GLDC: variants seen among roughly 807,000 people sequenced by gnomAD.
GLDC encodes glycine decarboxylase, also known as glycine dehydrogenase (decarboxylating), mitochondrial.
Under a neutral mutation model 121.3 loss-of-function variants are expected in GLDC, and 104 were observed. The ratio of observed to expected loss-of-function variants is 0.86; its 90% CI spans 0.73 to 1.01. The LOEUF (loss-of-function observed/expected upper bound fraction) is 1.01, where lower values mean the gene tolerates loss of function less well. GLDC is among the 50% of genes least tolerant of loss of function. GLDC has a pLI of 0.00. For synonymous variants in GLDC, 546 were observed against 480.6 expected (o/e 1.14, Z -1.78); for missense variants, 1,429 against 1,306.6 (o/e 1.09, Z -1.44).
At chr9:6,539,719 T>C (rs963500369) in intron 22 of GLDC, among the ~76,000 whole-genome samples, 1 of 152,160 alleles carries the variant, frequency 6.6e-6, no homozygotes, top group Admixed American at 6.5e-5. Flanking sequence ...AAAACTCCAA[T>C]GCCATTTGTC....
chr9:6,643,749 C>T (rs1050070378), intron 2 of GLDC, among the ~76,000 whole-genome samples: 73 of 151,854 alleles, frequency 4.8e-4, no homozygotes, highest in African/African-American at 1.7e-4. Flanking sequence ...AAAAACCATT[C>T]GGGGTAGGGC....
chr9:6,563,171 G>A (rs1212253367), intron 16 of GLDC, among the ~76,000 whole-genome samples: 1 of 152,238 alleles, frequency 6.6e-6, no homozygotes, highest in Non-Finnish European at 1.5e-5. Flanking sequence ...ACCCCGCCCA[G>A]GCCAAACCCA....
At chr9:6,632,530 A>T (rs1253577213) in intron 2 of GLDC, among the ~76,000 whole-genome samples, 2 of 152,238 alleles carry the variant, frequency 1.3e-5, no homozygotes, top group Non-Finnish European at 2.9e-5. Context: ...TCAAAATGAG[A>T]TCAAAGTTAT....
At chr9:6,587,104 T>A (rs1178969839) in intron 15 of GLDC, 37 bp downstream of exon 15, 4 of 1,576,334 alleles carry the variant, frequency 2.5e-6, no homozygotes, top group Middle Eastern at 4.4e-4. Context: ...TATACAAGAA[T>A]AGATTGCTGA....
intron 3 of GLDC, among the ~76,000 whole-genome samples, chr9:6,619,418 C>A (rs887645023): frequency 6.6e-6 from 1 of 152,020 alleles, no homozygotes; most frequent in African/African-American, 2.4e-5. Flanking sequence ...ACACAATTAT[C>A]TGTCCCCCTT....
Position 6,534,802 on chromosome 9 carries a change from AC to A in GLDC, c.2839-15del. On this transcript the variant is annotated splice_polypyrimidine_tract_variant and intron_variant, in intron 23 of 24. Transcript: ENST00000321612. ...GTGTGGAGACATCTGAGACAGAGAC[AC>A]GGACAGAGGAGGGGTCAGAGCAATA... The A allele has an allele frequency of 6.7e-7, 1 of 1,495,282 alleles. No homozygotes were observed. The allele number at this position is 1,495,282 out of a possible 1,614,324, so 92.6% of individuals were successfully genotyped here.
intron 16 of GLDC, among the ~76,000 whole-genome samples, chr9:6,560,466 C>T (rs79760729): frequency 0.018 from 2,725 of 152,272 alleles, 69 homozygotes; most frequent in African/African-American, 0.062. Flanking sequence ...TCCTCAAATC[C>T]GTTTTCTTGT....
At chr9:6,630,632 G>C (rs374673427) in intron 2 of GLDC, among the ~76,000 whole-genome samples, 2 of 152,310 alleles carry the variant, frequency 1.3e-5, no homozygotes, top group African/African-American at 4.8e-5. Context: ...TGAGGACAGA[G>C]ACTGCCTGGG....
rs1273751465 is a variant in GLDC at position 6,604,784 on chromosome 9, T to A, written c.862A>T (p.Ser288Cys). 2 of 1,613,248 alleles carry A rather than the reference T, an allele frequency of 1.2e-6. No homozygotes were observed. The highest frequency in any genetic ancestry group is 3.3e-5 in the Admixed American group (2 of 60,024). The change falls in exon 7 of 25, where the codon AGC becomes TGC. Residue 288 changes from serine (S) to cysteine (C), a missense_variant and splice_region_variant. Coordinates refer to ENST00000321612, the MANE Select transcript of GLDC (RefSeq NM_000170.3). ...AGGTCAGTAGCACAGCAGGCCAGGC[T>A]CTAGAAAGGAAGTGAGAGAAAAGGA... The part of the protein sequence containing the change: ...ELVERAHQSG[S>C]LACCATDLLA...
chr9:6,538,450 T>TAAA (rs1817183375), intron 22 of GLDC, among the ~76,000 whole-genome samples: 1 of 152,356 alleles, frequency 6.6e-6, no homozygotes, highest in Admixed American at 6.5e-5. Context: ...CTCTCTTCCT[T>TAAA]AAAAATTCAC....
chr9:6,610,406 G>C, intron 3 of GLDC, 50 bp from the exon 4 acceptor site: 3 of 1,585,352 alleles, frequency 1.9e-6, no homozygotes, highest in Non-Finnish European at 2.6e-6. Context: ...GTTTAGAGAA[G>C]CACACAAAAT....
intron 2 of GLDC, among the ~76,000 whole-genome samples, chr9:6,624,717 T>C (rs1229304023): frequency 6.6e-6 from 1 of 152,194 alleles, no homozygotes; most frequent in Admixed American, 6.6e-5. Context: ...TGGGGCACGG[T>C]GGCTTACACC....
intron 15 of GLDC, among the ~76,000 whole-genome samples, chr9:6,584,755 C>G (rs756530417): frequency 7.2e-5 from 11 of 152,224 alleles, no homozygotes; most frequent in Admixed American, 1.3e-4. Context: ...TGCAAAGCCC[C>G]TGCCATGCTC....
chr9:6,625,957 C>T (rs926356454), intron 2 of GLDC, among the ~76,000 whole-genome samples: 1 of 152,066 alleles, frequency 6.6e-6, no homozygotes, highest in Non-Finnish European at 1.5e-5. Flanking sequence ...GAGCTCGGGG[C>T]TAGAAGCTGA....
At chr9:6,562,154 T>G (rs1817771101) in intron 16 of GLDC, among the ~76,000 whole-genome samples, 1 of 152,224 alleles carries the variant, frequency 6.6e-6, no homozygotes, top group Non-Finnish European at 1.5e-5. Context: ...ATATTAATTA[T>G]AAAGTGTTAA....
intron 11 of GLDC, among the ~76,000 whole-genome samples, chr9:6,590,301 T>C (rs1320590235): frequency 6.6e-6 from 1 of 151,974 alleles, no homozygotes; most frequent in African/African-American, 2.4e-5. Flanking sequence ...ATCCAGAATA[T>C]ATAATCAATA....
intron 17 of GLDC, chr9:6,558,153 A>G: frequency 3.2e-6 from 1 of 316,502 alleles, no homozygotes; most frequent in Non-Finnish European, 5.8e-6. Context: ...GATGCCAGGA[A>G]TTCAGCATGA....
chr9:6,599,814 C>CCT (rs1818565151), intron 8 of GLDC, among the ~76,000 whole-genome samples: 1 of 152,050 alleles, frequency 6.6e-6, no homozygotes, highest in African/African-American at 2.4e-5. Context: ...ACCTTTCCTT[C>CCT]CTATCATACT....
intron 15 of GLDC, among the ~76,000 whole-genome samples, chr9:6,576,920 G>T (rs10511461): frequency 6.6e-6 from 1 of 152,008 alleles, no homozygotes; most frequent in Non-Finnish European, 1.5e-5. Context: ...ACATGACTTG[G>T]TAGGAAGCCA....
Sources: gnomAD v4.1 joint callset for allele counts (sites outside exome capture counted in the v4.1 genomes callset) on GRCh38, gnomAD v4.1.1 for gene constraint, MANE v1.5 for transcripts, NCBI Gene and HGNC (gene_info 2026-07-23, HGNC 2026-07-21) for gene names.